Variants in NARS2 observed in about 807,000 individuals in gnomAD.
NARS2 encodes the protein asparaginyl-tRNA synthetase 2, mitochondrial, also known as asparaginyl-tRNA synthetase.
Under a neutral mutation model 62.9 loss-of-function variants are expected in NARS2, and 60 were observed. The observed-to-expected ratio is 0.95, with a 90% confidence interval of 0.77 to 1.18. The LOEUF (loss-of-function observed/expected upper bound fraction) is 1.18. Among genes scored for constraint, NARS2 ranks in the 50% most tolerant of loss-of-function variants. The pLI, the probability that NARS2 is intolerant of heterozygous loss-of-function variation, is 0.00. For missense variants in NARS2, 619 were observed against 576.4 expected (o/e 1.07, Z -0.76); for synonymous variants, 196 against 200.0 (o/e 0.98, Z 0.17).
At chr11:78,535,268 A>T (rs1284389155) in intron 5 of NARS2, among the ~76,000 whole-genome samples, 1 of 152,190 alleles carries the variant, frequency 6.6e-6, no homozygotes, top group Admixed American at 6.5e-5. Flanking sequence ...TCCAGCACCT[A>T]AGTCGTCACT....
chr11:78,480,539 G>A (rs1392968707), intron 7 of NARS2, among the ~76,000 whole-genome samples: 1 of 151,682 alleles, frequency 6.6e-6, no homozygotes, highest in African/African-American at 2.4e-5. Flanking sequence ...ATAGGTGTGA[G>A]CCACTGCGCC....
In NARS2 at chr11:78,559,301, C is replaced by CA. The variant is rs10627726; in HGVS notation, c.594+237dup. Reference sequence around the variant, plus strand: ...CTGGCCACAGAGTGAGACTCCATCTCAAAAAAAAAAAAAAAAAAAAAAAAA... The same window carrying CA: ...CTGGCCACAGAGTGAGACTCCATCTCAAAAAAAAAAAAAAAAAAAAAAAAAA... On this transcript the variant is annotated intron_variant, in intron 5 of 13. Coordinates refer to ENST00000281038, the MANE Select transcript of NARS2 (RefSeq NM_024678.6). Among the ~76,000 whole-genome samples, 14,558 of 58,314 alleles carry CA rather than the reference C, an allele frequency of 0.25. 4,376 individuals are homozygous for CA. The highest frequency in any genetic ancestry group is 0.47 in the African/African-American group (5,809 of 12,360). The allele number at this position is 58,314 out of a possible 152,430, so 38.3% of individuals were successfully genotyped here. A position where few individuals can be genotyped will look rare whatever the true frequency, so the allele number is the denominator to read the frequency against.
intron 5 of NARS2, among the ~76,000 whole-genome samples, chr11:78,552,181 T>C (rs1856149850): frequency 6.6e-6 from 1 of 152,182 alleles, no homozygotes; most frequent in Admixed American, 6.5e-5. Context: ...GTGTCTGTTG[T>C]TTCTTTCTTT....
intron 5 of NARS2, among the ~76,000 whole-genome samples, chr11:78,530,381 T>C (rs1330861264): frequency 6.6e-6 from 1 of 152,214 alleles, no homozygotes; most frequent in South Asian, 2.1e-4. Context: ...TTCACCACTT[T>C]AGTCTATAAT....
rs1306790205 is a variant in NARS2 at position 78,470,499 on chromosome 11, TAC to T, written c.960-1188_960-1187del. Among the ~76,000 whole-genome samples, 13 of 152,154 alleles carry T rather than the reference TAC, an allele frequency of 8.5e-5. No homozygotes were observed. In the South Asian group the frequency reaches 2.7e-3, roughly 32 times the overall value. ...TTTTTTACAGATGTCATACATAACATACACACTCTTTCACACCTAATTTTACT... is the reference window on the plus strand; with the variant it reads ...TTTTTTACAGATGTCATACATAACATACACTCTTTCACACCTAATTTTACT... On this transcript the variant is annotated intron_variant, in intron 9 of 13. Transcript: ENST00000281038.
intron 2 of NARS2, among the ~76,000 whole-genome samples, chr11:78,570,372 A>C (rs1310604223): frequency 6.6e-6 from 1 of 152,210 alleles, no homozygotes; most frequent in Non-Finnish European, 1.5e-5. Context: ...GATACCTAAC[A>C]TTAAAATGGT....
chr11:78,489,275 G>A (rs1044766329), intron 7 of NARS2, among the ~76,000 whole-genome samples: 3 of 151,978 alleles, frequency 2.0e-5, no homozygotes, highest in Non-Finnish European at 4.4e-5. Flanking sequence ...TGGAAAATGG[G>A]CAATAAAAAT....
chr11:78,544,511 C>T (rs79875091), intron 5 of NARS2, among the ~76,000 whole-genome samples: 4,368 of 152,132 alleles, frequency 0.029, 201 homozygotes, highest in African/African-American at 0.1. Context: ...AATGAGTTAC[C>T]GGCTGAGCGC....
intron 11 of NARS2, among the ~76,000 whole-genome samples, chr11:78,461,602 TAAA>T (rs59664343): frequency 1.6e-4 from 10 of 64,088 alleles, no homozygotes; most frequent in African/African-American, 5.5e-4. Flanking sequence ...GCTGTGCTGG[TAAA>T]AAAAAAAAAA....
At chr11:78,457,210 A>C (rs186345568) in intron 11 of NARS2, among the ~76,000 whole-genome samples, 1 of 152,254 alleles carries the variant, frequency 6.6e-6, no homozygotes. Flanking sequence ...AAGATAAATT[A>C]TAACTGTAAA....
chr11:78,460,897 G>A (rs754242285), intron 11 of NARS2, among the ~76,000 whole-genome samples: 5 of 152,182 alleles, frequency 3.3e-5, no homozygotes, highest in Non-Finnish European at 7.4e-5. Context: ...TAACTAACAT[G>A]TACAGATTTT....
intron 5 of NARS2, among the ~76,000 whole-genome samples, chr11:78,558,939 T>C (rs10793330): frequency 0.64 from 96,857 of 152,064 alleles, 34,616 homozygotes; most frequent in Non-Finnish European, 0.81. Context: ...AAAATCCTCA[T>C]TTGCCTCTTC....
chr11:78,540,100 C>G (rs113369876), intron 5 of NARS2, among the ~76,000 whole-genome samples: 3 of 152,236 alleles, frequency 2.0e-5, no homozygotes, highest in African/African-American at 7.2e-5. Context: ...TAGCCTTTCT[C>G]TATTATGCAA....
At chr11:78,459,248 TG>T (rs898094037) in intron 11 of NARS2, among the ~76,000 whole-genome samples, 28 of 148,326 alleles carry the variant, frequency 1.9e-4, no homozygotes, top group Non-Finnish European at 4.1e-4. Flanking sequence ...TTTTTGTCGT[TG>T]TTTTTTTTTT....
intron 11 of NARS2, among the ~76,000 whole-genome samples, chr11:78,457,274 T>G (rs948959369): frequency 2.0e-5 from 3 of 151,952 alleles, no homozygotes; most frequent in Non-Finnish European, 4.4e-5. Flanking sequence ...AAGTGTAGAT[T>G]AGATATTTCC....
intron 11 of NARS2, among the ~76,000 whole-genome samples, chr11:78,463,425 C>T (rs897923856): frequency 1.3e-5 from 2 of 152,150 alleles, no homozygotes; most frequent in Non-Finnish European, 2.9e-5. Context: ...GTGGCTCACG[C>T]CTGTAATCCA....
At chr11:78,544,795 CAAAAAAA>C (rs35180232) in intron 5 of NARS2, among the ~76,000 whole-genome samples, 1 of 63,256 alleles carries the variant, frequency 1.6e-5, no homozygotes, top group African/African-American at 6.2e-5. Flanking sequence ...CTCCGTCTCA[CAAAAAAA>C]AAAAAAAAAA....
At chr11:78,541,728 A>C (rs1047198354) in intron 5 of NARS2, among the ~76,000 whole-genome samples, 4 of 152,144 alleles carry the variant, frequency 2.6e-5, no homozygotes, top group Non-Finnish European at 5.9e-5. Flanking sequence ...CAACCAACCA[A>C]GCAATCAATC....
chr11:78,436,523 A>G lies in NARS2; in HGVS notation c.*147T>C. Reference sequence around the variant, plus strand: ...TCAACTTTCTAAGAAAATCACAACCACTTATATTTTTTCTATGATATCTTA... The same window carrying G: ...TCAACTTTCTAAGAAAATCACAACCGCTTATATTTTTTCTATGATATCTTA... On this transcript the variant is annotated 3_prime_UTR_variant, in exon 14 of 14. Coordinates refer to ENST00000281038, the MANE Select transcript of NARS2 (RefSeq NM_024678.6). The G allele has an allele frequency of 1.0e-6, 1 of 985,362 alleles. No homozygotes were observed. Among genetic ancestry groups the G allele is most frequent in the East Asian group, 2.6e-5 (1 of 39,182 alleles). The allele number at this position is 985,362 out of a possible 1,614,324, so 61.0% of individuals were successfully genotyped here.
Sources: allele counts gnomAD v4.1 joint callset (sites outside exome capture counted in the v4.1 genomes callset), GRCh38; gene constraint gnomAD v4.1.1; transcripts MANE v1.5; gene names NCBI Gene and HGNC (gene_info 2026-07-23, HGNC 2026-07-21).